The following MARS1 variants were observed in gnomAD, a reference collection of about 807,000 sequenced individuals.
MARS1 encodes methionyl-tRNA synthetase 1.
A neutral mutation model predicts 119.5 loss-of-function variants in MARS1; 80 were observed. The ratio of observed to expected loss-of-function variants is 0.67; its 90% CI spans 0.56 to 0.81. The LOEUF (loss-of-function observed/expected upper bound fraction) is 0.81, where lower values mean the gene tolerates loss of function less well. MARS1 is among the 30% of genes least tolerant of loss of function. The probability of loss-of-function intolerance (pLI) is 0.00; values close to 1 mark genes in which losing one functional copy is unlikely to be tolerated. For synonymous variants in MARS1, 418 were observed against 433.4 expected, an observed-to-expected ratio of 0.96 and a Z score of 0.44; for missense variants, 945 against 1,116.5, an observed-to-expected ratio of 0.85 and a Z score of 2.19.
intron 7 of MARS1, among the ~76,000 whole-genome samples, chr12:57,493,829 T>A (rs1343753694): frequency 8.0e-4 from 1 of 1,244 alleles, no homozygotes; most frequent in Non-Finnish European, 4.1e-3. Flanking sequence ...ATATATTATA[T>A]TATATATTAT....
intron 11 of MARS1, among the ~76,000 whole-genome samples, chr12:57,507,743 C>G (rs1270891866): frequency 4.3e-5 from 6 of 139,400 alleles, no homozygotes; most frequent in Non-Finnish European, 6.3e-5. Flanking sequence ...GGGCGGCTGG[C>G]CGGGCGGGGG....
chr12:57,510,206 AC>A (rs1186524928), intron 11 of MARS1, among the ~76,000 whole-genome samples: 1 of 152,100 alleles, frequency 6.6e-6, no homozygotes, highest in Non-Finnish European at 1.5e-5. Flanking sequence ...AGGCATGGTG[AC>A]TCACGCCTGT....
At chr12:57,505,298 G>T (rs1351887432) in intron 11 of MARS1, among the ~76,000 whole-genome samples, 1 of 151,440 alleles carries the variant, frequency 6.6e-6, no homozygotes, top group Non-Finnish European at 1.5e-5. Context: ...AGTAGCTGGG[G>T]TTACAGGTGC....
intron 7 of MARS1, among the ~76,000 whole-genome samples, chr12:57,494,610 A>C (rs953689453): frequency 2.7e-5 from 4 of 150,406 alleles, no homozygotes; most frequent in Non-Finnish European, 5.9e-5. Context: ...GCAGATAAAC[A>C]TGTGAACAAG....
chr12:57,505,702 T>C (rs1404679470), intron 11 of MARS1, among the ~76,000 whole-genome samples: 8 of 152,250 alleles, frequency 5.3e-5, no homozygotes, highest in African/African-American at 1.9e-4. Context: ...GTCTCAGCTA[T>C]GCAAGAGGCT....
At chr12:57,502,411 C>G (rs534669845) in intron 10 of MARS1, among the ~76,000 whole-genome samples, 1 of 151,822 alleles carries the variant, frequency 6.6e-6, no homozygotes, top group Non-Finnish European at 1.5e-5. Flanking sequence ...AAACTCAGAT[C>G]AAAACTCACT....
At chr12:57,515,565 A>G in intron 18 of MARS1, 1 of 587,690 alleles carries the variant, frequency 1.7e-6, no homozygotes, top group Non-Finnish European at 3.0e-6. Context: ...TGGTAAACAG[A>G]TATTTGAAGA....
intron 7 of MARS1, among the ~76,000 whole-genome samples, 173 bp downstream of exon 7, chr12:57,490,817 G>A (rs1412435141): frequency 1.1e-5 from 1 of 94,174 alleles, no homozygotes; most frequent in Non-Finnish European, 2.0e-5. Context: ...TTTTCTCTTA[G>A]CCTATCATTT....
Position 57,516,596 on chromosome 12 carries a change from T to C in MARS1, c.*15T>C. On this transcript the variant is annotated 3_prime_UTR_variant, in exon 21 of 21. Coordinates refer to ENST00000262027, the MANE Select transcript of MARS1 (RefSeq NM_004990.4). ...AGAAAAAGTAAAAGACCTTGGCTCA[T>C]AGAAAGTCACTTTAATAGATAGGGA... 3.2e-6 allele frequency: 5 copies of C among 1,560,000 alleles called. No homozygotes were observed. The highest frequency in any genetic ancestry group is 4.3e-6 in the Non-Finnish European group (5 of 1,160,146).
chr12:57,489,016 C>G lies in MARS1; in HGVS notation c.110-3C>G, dbSNP rs369193054. 10 of 1,600,912 alleles carry G rather than the reference C, an allele frequency of 6.2e-6. No homozygotes were observed. Among genetic ancestry groups the G allele is most frequent in the Non-Finnish European group, 8.5e-6 (10 of 1,171,594 alleles). ...TTTAACCCATTTTCCATTCTTGCAT[C>G]AGATTGTGTGGTCCCGTTCCTGACC... On this transcript the variant is annotated splice_polypyrimidine_tract_variant and splice_region_variant and intron_variant, in intron 1 of 20. Transcript: ENST00000262027.
intron 10 of MARS1, among the ~76,000 whole-genome samples, chr12:57,502,574 T>A (rs977716106): frequency 6.6e-6 from 1 of 151,162 alleles, no homozygotes; most frequent in Non-Finnish European, 1.5e-5. Context: ...AGTGTGGTGG[T>A]GCGTGCCTGT....
rs201259473 is a variant in MARS1 at position 57,498,290 on chromosome 12, G to C, written c.887+17G>C. ...CTTTGCCAGGTGGAGCCAGCTGCTC[G>C]GGGAGAGACCTCCTAAGGGAAGGGC... is the stretch of plus-strand genomic sequence containing the variant. On this transcript the variant is annotated intron_variant, in intron 8 of 20. Coordinates refer to ENST00000262027, the MANE Select transcript of MARS1 (RefSeq NM_004990.4). 1.9e-4 allele frequency: 304 copies of C among 1,608,772 alleles called. No homozygotes were observed. In the South Asian group the frequency reaches 2.2e-3, roughly 12 times the overall value.
At chr12:57,509,095 T>C (rs959760746) in intron 11 of MARS1, among the ~76,000 whole-genome samples, 2 of 152,220 alleles carry the variant, frequency 1.3e-5, no homozygotes, top group South Asian at 2.1e-4. Context: ...CAATTTCTTA[T>C]AATCCTTTCC....
At chr12:57,495,485 C>G (rs908325881) in intron 7 of MARS1, among the ~76,000 whole-genome samples, 1 of 151,674 alleles carries the variant, frequency 6.6e-6, no homozygotes, top group Non-Finnish European at 1.5e-5. Flanking sequence ...GACAGGTTGA[C>G]GGCGGGGAAG....
chr12:57,488,386 C>T (rs1462629179), intron 1 of MARS1, 187 bp downstream of exon 1: 12 of 720,504 alleles, frequency 1.7e-5, no homozygotes, highest in Non-Finnish European at 2.7e-5. Context: ...CTTTAATTAC[C>T]CTCAATATAA....
At chr12:57,510,139 G>A (rs748083859) in intron 11 of MARS1, among the ~76,000 whole-genome samples, 7 of 152,094 alleles carry the variant, frequency 4.6e-5, no homozygotes, top group South Asian at 2.1e-4. Flanking sequence ...AGCCTTCTGC[G>A]TAGTTGGGAC....
intron 7 of MARS1, among the ~76,000 whole-genome samples, chr12:57,496,929 C>G (rs1043233368): frequency 6.6e-6 from 1 of 152,162 alleles, no homozygotes; most frequent in Non-Finnish European, 1.5e-5. Context: ...CCTTTGATCT[C>G]CTTTGACACT....
chr12:57,511,021 C>A (rs1877486550), intron 11 of MARS1, among the ~76,000 whole-genome samples: 1 of 151,910 alleles, frequency 6.6e-6, no homozygotes. Context: ...CTGCAGTGAG[C>A]CATGATGTGC....
intron 7 of MARS1, among the ~76,000 whole-genome samples, chr12:57,492,073 G>A (rs905137296): frequency 5.9e-5 from 9 of 151,824 alleles, no homozygotes; most frequent in African/African-American, 2.2e-4. Flanking sequence ...TGAGTCAGGA[G>A]TTCAAGACCA....
Sources: gnomAD v4.1 joint callset for allele counts (sites outside exome capture counted in the v4.1 genomes callset) on GRCh38, gnomAD v4.1.1 for gene constraint, MANE v1.5 for transcripts, NCBI Gene and HGNC (gene_info 2026-07-23, HGNC 2026-07-21) for gene names.